YWHAE: variants seen among roughly 807,000 people sequenced by gnomAD.
YWHAE encodes tyrosine 3-monooxygenase/tryptophan 5-monooxygenase activation protein epsilon, also known as 14-3-3 protein epsilon.
In YWHAE, 4 loss-of-function variants were observed where a neutral mutation model predicts 30.1. That is an observed-to-expected ratio of 0.13 (90% CI 0.07 to 0.30). The LOEUF (loss-of-function observed/expected upper bound fraction) is 0.30. Ranked by LOEUF, YWHAE falls within the 10% of genes least tolerant of loss-of-function variation. The pLI is 1.00. For missense variants in YWHAE, 121 were observed against 315.9 expected (o/e 0.38, Z 4.68); for synonymous variants, 118 against 111.8 (o/e 1.06, Z -0.35).
At chr17:1,350,030 A>G (rs894775353) in intron 5 of YWHAE, among the ~76,000 whole-genome samples, 3 of 149,326 alleles carry the variant, frequency 2.0e-5, no homozygotes, top group Non-Finnish European at 4.4e-5. Flanking sequence ...TCAGTTGATC[A>G]CAACCTCCAA....
intron 1 of YWHAE, among the ~76,000 whole-genome samples, chr17:1,378,383 T>C (rs117594225): frequency 4.4e-4 from 67 of 152,330 alleles, no homozygotes; most frequent in Non-Finnish European, 8.5e-4. Context: ...TCACTAAACA[T>C]AGTCAATTCA....
At chr17:1,374,123 CAA>C (rs2073089108) in intron 1 of YWHAE, among the ~76,000 whole-genome samples, 1 of 151,920 alleles carries the variant, frequency 6.6e-6, no homozygotes, top group South Asian at 2.1e-4. Flanking sequence ...CCAGCCTGGC[CAA>C]AACATGGCAA....
rs1598263915 is a variant in YWHAE, at chr17:1,383,300, A to G, written c.64+16747T>C. 3.3e-5 allele frequency among the ~76,000 whole-genome samples: 5 copies of G among 151,876 alleles called. No individual in the cohort carries two copies. In the East Asian group the frequency reaches 9.7e-4, roughly 30 times the overall value. On this transcript the variant is annotated intron_variant, in intron 1 of 5. Transcript: ENST00000264335. ...GGGAGGACGAGGTTTCCGCGAGCTG[A>G]GATCGCGCGATTGCACTCCAGCCTG...
intron 4 of YWHAE, among the ~76,000 whole-genome samples, chr17:1,357,341 T>C (rs1005484784): frequency 2.1e-5 from 3 of 142,504 alleles, no homozygotes; most frequent in African/African-American, 5.4e-5. Context: ...AGGCAGAGCT[T>C]GCAGTGAGCC....
intron 4 of YWHAE, among the ~76,000 whole-genome samples, chr17:1,357,174 C>A (rs530443533): frequency 1.4e-5 from 2 of 145,906 alleles, no homozygotes; most frequent in East Asian, 2.1e-4. Flanking sequence ...GAGGCCGAGG[C>A]GGGTGGATCA....
At chr17:1,397,329 T>TTAAC (rs2073489434) in intron 1 of YWHAE, among the ~76,000 whole-genome samples, 2 of 152,240 alleles carry the variant, frequency 1.3e-5, no homozygotes, top group Non-Finnish European at 2.9e-5. Flanking sequence ...ACTACTGGCT[T>TTAAC]GTTAAAGTGA....
intron 1 of YWHAE, among the ~76,000 whole-genome samples, chr17:1,376,386 AAAAGAAAGAGAGAG>A (rs202141047): frequency 0.31 from 47,428 of 151,572 alleles, 7,757 homozygotes; most frequent in Admixed American, 0.48. Flanking sequence ...GAAAGAAAGA[AAAAGAAAGAGAGAG>A]AAAGAAAGAA....
intron 1 of YWHAE, among the ~76,000 whole-genome samples, chr17:1,368,860 T>C (rs1417664108): frequency 1.3e-5 from 2 of 152,188 alleles, no homozygotes; most frequent in African/African-American, 2.4e-5. Context: ...TTAATTCTTT[T>C]AAGGCTTTAC....
intron 5 of YWHAE, chr17:1,347,915 G>A (rs972398372): frequency 7.1e-6 from 7 of 981,396 alleles, no homozygotes; most frequent in African/African-American, 7.0e-5. Context: ...GATTAGTGAA[G>A]AACCAAAACT....
In YWHAE at chr17:1,345,289, TA is replaced by T. The variant is rs566935846; in HGVS notation, c.*157del. On this transcript the variant is annotated 3_prime_UTR_variant, in exon 6 of 6. Coordinates refer to ENST00000264335, the MANE Select transcript of YWHAE (RefSeq NM_006761.5). Reference sequence around the variant, plus strand: ...CCTTTAAGAACTTTTGAAAACTGTTTAAAAAAAAAAAAAAAAAACCAACAGG... The same window carrying T: ...CCTTTAAGAACTTTTGAAAACTGTTTAAAAAAAAAAAAAAAAACCAACAGG... 0.084 allele frequency: 42,062 copies of T among 499,222 alleles called. 50 individuals are homozygous for T. The highest frequency in any genetic ancestry group is 0.11 in the East Asian group (3,262 of 28,714). 30.9% of individuals were successfully genotyped at this position (499,222 alleles called of 1,614,324 possible).
At chr17:1,382,045 AGTTT>A (rs1331188019) in intron 1 of YWHAE, among the ~76,000 whole-genome samples, 1 of 147,070 alleles carries the variant, frequency 6.8e-6, no homozygotes, top group Non-Finnish European at 1.5e-5. Context: ...CATAAGTAGT[AGTTT>A]TTTTGTTTGT....
intron 1 of YWHAE, among the ~76,000 whole-genome samples, chr17:1,368,518 C>A (rs141056560): frequency 1.3e-5 from 2 of 149,438 alleles, no homozygotes; most frequent in Non-Finnish European, 3.0e-5. Context: ...GAGCTGAGAT[C>A]GCGCCATTGC....
rs558429460 is a variant in YWHAE at position 1,366,088 on chromosome 17, C to T, written c.65-1030G>A. On this transcript the variant is annotated intron_variant, in intron 1 of 5. Coordinates refer to ENST00000264335, the MANE Select transcript of YWHAE (RefSeq NM_006761.5). ...AAAATTAGCTGGGCGTGGTGATGCA[C>T]GCCTGTAGTCCCAGGTACTCTAGAG... Among the ~76,000 whole-genome samples, 3 of 151,790 alleles carry T rather than the reference C, an allele frequency of 2.0e-5. No homozygotes were observed. The South Asian group carries it at 6.3e-4, about 32-fold the overall frequency.
In YWHAE at chr17:1,389,773, G is replaced by A. The variant is rs889536294; in HGVS notation, c.64+10274C>T. On this transcript the variant is annotated intron_variant, in intron 1 of 5. Coordinates refer to ENST00000264335, the MANE Select transcript of YWHAE (RefSeq NM_006761.5). ...TCTCAATCTGCTGACCTCGTAGTCC[G>A]CCCGCCTCGGCCTCCCAAAGTCCTG... Among the ~76,000 whole-genome samples the A allele has an allele frequency of 4.2e-4, 64 of 151,724 alleles. 1 individual carries two copies. The highest frequency in any genetic ancestry group is 3.4e-3 in the Middle Eastern group (1 of 292).
chr17:1,366,965 C>A (rs1486661223), intron 1 of YWHAE, among the ~76,000 whole-genome samples: 2 of 151,772 alleles, frequency 1.3e-5, no homozygotes, highest in East Asian at 3.9e-4. Flanking sequence ...AAACAAAAAC[C>A]AAAACACTAT....
At chr17:1,394,800 C>T (rs867615304) in intron 1 of YWHAE, among the ~76,000 whole-genome samples, 2 of 150,854 alleles carry the variant, frequency 1.3e-5, no homozygotes, top group South Asian at 4.2e-4. Context: ...AACCCCATCT[C>T]TACTAAAAAT....
chr17:1,371,786 A>C (rs961351180), intron 1 of YWHAE, among the ~76,000 whole-genome samples: 8 of 151,200 alleles, frequency 5.3e-5, no homozygotes, highest in African/African-American at 1.9e-4. Flanking sequence ...TGTTAGCTAA[A>C]TCTGGATAAT....
intron 4 of YWHAE, among the ~76,000 whole-genome samples, chr17:1,359,955 A>AGGGGGGGAGAG (rs1482439402): frequency 8.3e-4 from 16 of 19,172 alleles, no homozygotes; most frequent in South Asian, 2.5e-3. Flanking sequence ...GGGGGGAGAG[A>AGGGGGGGAGAG]GGGGGAGAGA....
At chr17:1,388,104 T>TG (rs1567983160) in intron 1 of YWHAE, among the ~76,000 whole-genome samples, 2 of 46,874 alleles carry the variant, frequency 4.3e-5, no homozygotes, top group East Asian at 1.0e-3. Flanking sequence ...AATTTTTGTT[T>TG]TTTTTTTTGG....
Sources: gnomAD v4.1 joint callset for allele counts (sites outside exome capture counted in the v4.1 genomes callset) on GRCh38, gnomAD v4.1.1 for gene constraint, MANE v1.5 for transcripts, NCBI Gene and HGNC (gene_info 2026-07-23, HGNC 2026-07-21) for gene names.